PCDH15: variants seen among roughly 807,000 people sequenced by gnomAD.
PCDH15 encodes the protein protocadherin-15.
PCDH15 carries 129 observed loss-of-function variants against 178.5 expected under a neutral mutation model. That is an observed-to-expected ratio of 0.72 (90% confidence interval 0.63 to 0.84). The LOEUF is 0.84. Among genes scored for constraint, PCDH15 ranks in the 40% least tolerant of loss-of-function variants. PCDH15 has a pLI of 0.00. For missense variants in PCDH15, 2,230 were observed against 2,099.9 expected (o/e 1.06, Z -1.21); for synonymous variants, 800 against 732.0 (o/e 1.09, Z -1.50).
At chr10:53,888,285 T>TATATATATATATATATATAC (rs1369386967) in intron 26 of PCDH15, among the ~76,000 whole-genome samples, 2 of 54,876 alleles carry the variant, frequency 3.6e-5, no homozygotes, top group African/African-American at 2.3e-4. Context: ...TCCAACACTA[T>TATATATATATATATATATAC]ATATACATAT....
chr10:55,069,599 A>C (rs1437290706), intron 2 of PCDH15, among the ~76,000 whole-genome samples: 1 of 144,162 alleles, frequency 6.9e-6, no homozygotes. Context: ...CCTACAAAGG[A>C]CATGAACTCA....
chr10:54,612,024 A>C (rs539812903), intron 2 of PCDH15, among the ~76,000 whole-genome samples: 1 of 151,964 alleles, frequency 6.6e-6, no homozygotes, highest in Non-Finnish European at 1.5e-5. Context: ...CATTTGTTAA[A>C]TTTCGTTTCT....
chr10:55,275,802 T>C (rs1842580200), intron 1 of PCDH15, among the ~76,000 whole-genome samples: 1 of 151,620 alleles, frequency 6.6e-6, no homozygotes, highest in Non-Finnish European at 1.5e-5. Context: ...GAAAAGTCTT[T>C]TGGGATTTAA....
chr10:53,978,323 G>T (rs914650907), intron 21 of PCDH15, among the ~76,000 whole-genome samples: 1 of 152,082 alleles, frequency 6.6e-6, no homozygotes, highest in Admixed American at 6.6e-5. Context: ...CTCTACACCC[G>T]CTGGACCAAC....
At chr10:55,598,304 A>C (rs1842975881) in intron 2 of PCDH15, among the ~76,000 whole-genome samples, 1 of 149,398 alleles carries the variant, frequency 6.7e-6, no homozygotes, top group Non-Finnish European at 1.5e-5. Context: ...CTAAGGCACA[A>C]ACTGGGATTA....
chr10:55,273,235 T>A (rs1842494084), intron 1 of PCDH15, among the ~76,000 whole-genome samples: 1 of 152,138 alleles, frequency 6.6e-6, no homozygotes, highest in Non-Finnish European at 1.5e-5. Context: ...TTAATTTTTT[T>A]ACACAAGAGT....
At chr10:55,209,150 G>A (rs1840490038) in intron 1 of PCDH15, among the ~76,000 whole-genome samples, 1 of 152,054 alleles carries the variant, frequency 6.6e-6, no homozygotes, top group Non-Finnish European at 1.5e-5. Flanking sequence ...ATTTACACAG[G>A]CAAAGAAAGA....
chr10:55,000,458 C>A (rs551491693), intron 2 of PCDH15, among the ~76,000 whole-genome samples: 1 of 152,182 alleles, frequency 6.6e-6, no homozygotes, highest in East Asian at 1.9e-4. Context: ...TTTCAAGGTG[C>A]CCAGATTTCA....
intron 3 of PCDH15, among the ~76,000 whole-genome samples, chr10:54,500,584 C>T (rs2137401900): frequency 6.6e-6 from 1 of 152,228 alleles, no homozygotes; most frequent in Non-Finnish European, 1.5e-5. Context: ...AACCCCAGCA[C>T]TTTGGGAGGC....
At chr10:54,452,356 C>A (rs910679518) in intron 3 of PCDH15, 4 of 151,776 alleles carry the variant, frequency 2.6e-5, no homozygotes, top group Non-Finnish European at 5.9e-5. Flanking sequence ...CAAATTCTAC[C>A]CCTTAGACAC....
intron 1 of PCDH15, among the ~76,000 whole-genome samples, chr10:54,791,996 A>T (rs777516586): frequency 6.6e-5 from 10 of 151,872 alleles, no homozygotes; most frequent in African/African-American, 1.4e-4. Flanking sequence ...TAATGAGCAT[A>T]GAATGACCCT....
In PCDH15 at chr10:53,866,694, A is replaced by AGT; in HGVS notation, c.3664_3665insAC (p.Val1222AspfsTer12). On this transcript the variant is annotated frameshift_variant, in exon 27 of 38. Transcript: ENST00000644397. LOFTEE classifies it high-confidence loss of function. ...CTTCCCATAGTCGTCAGTTGCAATA[A>AGT]CTTGAAACTTGAAGTAGGATCTCCT... 2.5e-6 allele frequency: 4 copies of AGT among 1,613,630 alleles called. No individual in the cohort carries two copies. The highest frequency in any genetic ancestry group is 3.4e-6 in the Non-Finnish European group (4 of 1,179,698).
At chr10:55,554,311 G>T (rs1842049507) in intron 2 of PCDH15, among the ~76,000 whole-genome samples, 1 of 152,004 alleles carries the variant, frequency 6.6e-6, no homozygotes, top group South Asian at 2.1e-4. Flanking sequence ...GATAAGATGT[G>T]TAAAAATAGT....
intron 2 of PCDH15, among the ~76,000 whole-genome samples, chr10:55,571,173 AC>A (rs1842401889): frequency 6.6e-6 from 1 of 151,946 alleles, no homozygotes; most frequent in Non-Finnish European, 1.5e-5. Context: ...CTGACACTTC[AC>A]CACTCACTCT....
At chr10:53,826,173 A>T in intron 32 of PCDH15, among the ~76,000 whole-genome samples, 1 of 151,938 alleles carries the variant, frequency 6.6e-6, no homozygotes, top group East Asian at 1.9e-4. Flanking sequence ...TTTTCAACTT[A>T]CAAAAAAGGT....
At chr10:54,482,534 G>A (rs534020320) in intron 3 of PCDH15, among the ~76,000 whole-genome samples, 66 of 151,834 alleles carry the variant, frequency 4.3e-4, no homozygotes, top group Non-Finnish European at 7.1e-4. Flanking sequence ...GAAAATGGAT[G>A]TCAATTGTGT....
At position 54,229,932 on chromosome 10, in the gene PCDH15, A is replaced by C. The variant is rs185017157; in HGVS notation, c.985+6891T>G. On this transcript the variant is annotated intron_variant, in intron 9 of 37. Coordinates refer to ENST00000644397, the MANE Select transcript of PCDH15 (RefSeq NM_001384140.1). The stretch of plus-strand genomic sequence containing the variant: ...ACTTGAATTAGATCAAAGATGGAAA[A>C]CATTTTTTGTTTCCTAACAAGTAAA... 3.7e-3 allele frequency among the ~76,000 whole-genome samples: 561 copies of C among 152,244 alleles called. 1 individual carries two copies. Among genetic ancestry groups the C allele is most frequent in the Non-Finnish European group, 5.7e-3 (389 of 68,016 alleles).
chr10:54,136,353 C>T (rs1468794581), intron 14 of PCDH15, among the ~76,000 whole-genome samples: 1 of 151,672 alleles, frequency 6.6e-6, no homozygotes, highest in South Asian at 2.1e-4. Flanking sequence ...AGTCACTTAA[C>T]GTCTTCAATA....
In PCDH15 at chr10:54,064,077, G is replaced by C. The variant is rs988825112; in HGVS notation, c.2220+2680C>G. Among the ~76,000 whole-genome samples, 48 of 152,180 alleles carry C rather than the reference G, an allele frequency of 3.2e-4. 1 individual carries two copies. Among genetic ancestry groups the C allele is most frequent in the Admixed American group, 3.1e-3 (48 of 15,278 alleles). On this transcript the variant is annotated intron_variant, in intron 18 of 37. Transcript: ENST00000644397. ...AATGAGGTACGCGCACAGCTGGAGA[G>C]TTAAGGTGGAGAGGAACTTTACAAA...
Sources: allele counts gnomAD v4.1 joint callset (sites outside exome capture counted in the v4.1 genomes callset), GRCh38; gene constraint gnomAD v4.1.1; transcripts MANE v1.5; gene names NCBI Gene and HGNC (gene_info 2026-07-23, HGNC 2026-07-21).